PARD3: variants seen among roughly 807,000 people sequenced by gnomAD.
The protein encoded by PARD3 is partitioning defective 3 homolog.
A neutral mutation model predicts 155.4 loss-of-function variants in PARD3; 75 were observed. The ratio of observed to expected loss-of-function variants is 0.48; its 90% CI spans 0.40 to 0.58. The LOEUF is 0.58. Among genes scored for constraint, PARD3 ranks in the 20% least tolerant of loss-of-function variants. PARD3 has a pLI of 0.00. For missense variants in PARD3, 1,642 were observed against 1,721.7 expected, an observed-to-expected ratio of 0.95 and a Z score of 0.82; for synonymous variants, 576 against 610.5, an observed-to-expected ratio of 0.94 and a Z score of 0.83.
At chr10:34,711,998 C>A (rs898627504) in intron 1 of PARD3, among the ~76,000 whole-genome samples, 1 of 152,216 alleles carries the variant, frequency 6.6e-6, no homozygotes, top group African/African-American at 2.4e-5. Flanking sequence ...TGAATACCTT[C>A]GTCCTCACCT....
chr10:34,562,123 C>CAAAAAAA (rs3041198), intron 2 of PARD3, among the ~76,000 whole-genome samples: 8 of 26,364 alleles, frequency 3.0e-4, no homozygotes, highest in African/African-American at 9.0e-4. Flanking sequence ...CTGACTGTCT[C>CAAAAAAA]AAAAAAAAAA....
At chr10:34,720,902 G>A (rs2094596799) in intron 1 of PARD3, among the ~76,000 whole-genome samples, 1 of 152,074 alleles carries the variant, frequency 6.6e-6, no homozygotes. Context: ...TATGTAGTAA[G>A]GCTAAATCTA....
chr10:34,534,036 C>T (rs776663162), intron 2 of PARD3, among the ~76,000 whole-genome samples: 7 of 152,048 alleles, frequency 4.6e-5, no homozygotes, highest in Admixed American at 1.3e-4. Context: ...ACATAGCCAA[C>T]GGGTTAACTT....
At chr10:34,357,072 G>A (rs1838961281) in intron 14 of PARD3, among the ~76,000 whole-genome samples, 2 of 152,032 alleles carry the variant, frequency 1.3e-5, no homozygotes, top group African/African-American at 4.8e-5. Context: ...TATTTCAGGG[G>A]GATTCCAATT....
At chr10:34,222,273 T>A (rs1952341741) in intron 22 of PARD3, among the ~76,000 whole-genome samples, 1 of 152,178 alleles carries the variant, frequency 6.6e-6, no homozygotes, top group Non-Finnish European at 1.5e-5. Context: ...TCACAAAGTA[T>A]GTATTAACAG....
intron 22 of PARD3, among the ~76,000 whole-genome samples, chr10:34,167,409 T>C (rs1248773364): frequency 2.0e-5 from 3 of 152,026 alleles, no homozygotes; most frequent in Non-Finnish European, 2.9e-5. Flanking sequence ...CTTTTTCACT[T>C]TAATGGTCTA....
intron 22 of PARD3, among the ~76,000 whole-genome samples, chr10:34,143,311 A>AAAC (rs369606332): frequency 2.3e-4 from 35 of 152,212 alleles, no homozygotes; most frequent in South Asian, 1.9e-3. Context: ...CTCTGTCTCA[A>AAAC]AACAACAACA....
chr10:34,302,597 G>A (rs1453219301), intron 20 of PARD3, among the ~76,000 whole-genome samples: 1 of 152,170 alleles, frequency 6.6e-6, no homozygotes, highest in African/African-American at 2.4e-5. Context: ...ACACTGAGAA[G>A]GGCAGGTATC....
chr10:34,780,817 A>G (rs984396329), intron 1 of PARD3, among the ~76,000 whole-genome samples: 1 of 152,260 alleles, frequency 6.6e-6, no homozygotes, highest in Non-Finnish European at 1.5e-5. Flanking sequence ...AAAGGACAAT[A>G]ATCAGTGCGG....
chr10:34,249,196 CA>C (rs768671922), intron 22 of PARD3, among the ~76,000 whole-genome samples: 76 of 152,216 alleles, frequency 5.0e-4, no homozygotes, highest in Non-Finnish European at 9.1e-4. Context: ...TAATTTTTAA[CA>C]GTAGACATCT....
At chr10:34,125,475 G>A (rs3824713) in intron 23 of PARD3, among the ~76,000 whole-genome samples, 19 of 152,306 alleles carry the variant, frequency 1.2e-4, no homozygotes, top group African/African-American at 4.3e-4. Context: ...CATGGAGGCC[G>A]CTAGGAGAAA....
chr10:34,784,147 G>A (rs1211528092), intron 1 of PARD3, among the ~76,000 whole-genome samples: 1 of 151,968 alleles, frequency 6.6e-6, no homozygotes, highest in Non-Finnish European at 1.5e-5. Flanking sequence ...GGTGGTGGAG[G>A]CTGCAGTGAG....
intron 2 of PARD3, among the ~76,000 whole-genome samples, chr10:34,576,067 GC>G (rs1274919813): frequency 6.6e-6 from 1 of 152,174 alleles, no homozygotes; most frequent in African/African-American, 2.4e-5. Context: ...ATGGTTATGT[GC>G]AGTCTTGAAT....
At chr10:34,782,624 C>G (rs139079260) in intron 1 of PARD3, among the ~76,000 whole-genome samples, 55 of 152,306 alleles carry the variant, frequency 3.6e-4, no homozygotes, top group Non-Finnish European at 6.5e-4. Flanking sequence ...TACCTCTACC[C>G]CAGCAACTTA....
chr10:34,113,686 G>A (rs1454207166), intron 24 of PARD3, among the ~76,000 whole-genome samples: 1 of 152,100 alleles, frequency 6.6e-6, no homozygotes, highest in Non-Finnish European at 1.5e-5. Context: ...TAAGCATCCA[G>A]CTGGGCAAGG....
chr10:34,485,918 G>GTTTTTTTTTTTTTTTTTT (rs66906403), intron 3 of PARD3, among the ~76,000 whole-genome samples: 1 of 95,790 alleles, frequency 1.0e-5, no homozygotes, highest in Non-Finnish European at 2.0e-5. Context: ...AACGTTTTGG[G>GTTTTTTTTTTTTTTTTTT]TTTTTTTTTT....
intron 2 of PARD3, among the ~76,000 whole-genome samples, chr10:34,523,289 A>T (rs1417375059): frequency 6.6e-6 from 1 of 152,226 alleles, no homozygotes; most frequent in African/African-American, 2.4e-5. Flanking sequence ...TTTTAATGTG[A>T]CACCCTGTGA....
intron 3 of PARD3, among the ~76,000 whole-genome samples, chr10:34,498,272 T>A (rs748991137): frequency 1.3e-5 from 2 of 152,200 alleles, no homozygotes; most frequent in Non-Finnish European, 2.9e-5. Context: ...CTTTTAAAAG[T>A]CTGAGGGAGA....
At chr10:34,784,106 G>A (rs1047713745) in intron 1 of PARD3, among the ~76,000 whole-genome samples, 5 of 152,276 alleles carry the variant, frequency 3.3e-5, no homozygotes, top group African/African-American at 1.2e-4. Flanking sequence ...GGCTACTTGG[G>A]AGGCTGAGGC....
Sources: allele counts gnomAD v4.1 joint callset (sites outside exome capture counted in the v4.1 genomes callset), GRCh38; gene constraint gnomAD v4.1.1; transcripts MANE v1.5; gene names NCBI Gene and HGNC (gene_info 2026-07-23, HGNC 2026-07-21).